The following ERO1B variants were observed in gnomAD, a reference collection of about 807,000 sequenced individuals.
The protein encoded by ERO1B is endoplasmic reticulum oxidoreductase 1 beta.
A neutral mutation model predicts 75.3 loss-of-function variants in ERO1B; 49 were observed. That is an observed-to-expected ratio of 0.65 (90% CI 0.52 to 0.83). The LOEUF is 0.83. Among genes scored for constraint, ERO1B ranks in the 40% least tolerant of loss-of-function variants. The pLI is 0.00. For synonymous variants in ERO1B, 191 were observed against 192.9 expected (o/e 0.99, Z 0.08); for missense variants, 512 against 560.1 (o/e 0.91, Z 0.87).
At chr1:236,255,245 A>G (rs1665135002) in intron 2 of ERO1B, among the ~76,000 whole-genome samples, 1 of 151,748 alleles carries the variant, frequency 6.6e-6, no homozygotes, top group African/African-American at 2.4e-5. Context: ...CAAGGTCTTT[A>G]TATTTGCTGT....
rs774968499 is a variant in ERO1B, at chr1:236,215,692, G to T, written c.*2824C>A. The T allele has an allele frequency of 6.6e-6, 1 of 151,728 alleles. No individual in the cohort carries two copies. Among genetic ancestry groups the T allele is most frequent in the Non-Finnish European group, 1.5e-5 (1 of 67,968 alleles). 9.4% of individuals were successfully genotyped at this position (151,728 alleles called of 1,614,324 possible). A position where few individuals can be genotyped will look rare whatever the true frequency, so the allele number is the denominator to read the frequency against. On this transcript the variant is annotated 3_prime_UTR_variant, in exon 16 of 16. Coordinates refer to ENST00000354619, the MANE Select transcript of ERO1B (RefSeq NM_019891.4). ...ACAGTACACATAGATTTGTGTGTGT[G>T]TTTTTTTACCAAATAATTTCCACGA...
chr1:236,235,994 T>G (rs567213130), intron 7 of ERO1B, among the ~76,000 whole-genome samples, 159 bp from the exon 8 acceptor site: 2 of 152,174 alleles, frequency 1.3e-5, no homozygotes, highest in East Asian at 3.9e-4. Context: ...GCGCAATCTC[T>G]GCTCATTGTA....
intron 10 of ERO1B, 68 bp downstream of exon 10, chr1:236,230,156 C>CA: frequency 7.6e-7 from 1 of 1,313,942 alleles, no homozygotes; most frequent in Non-Finnish European, 1.1e-6. Context: ...CTAGACCTTA[C>CA]AAAAATATGC....
intron 1 of ERO1B, among the ~76,000 whole-genome samples, chr1:236,272,202 G>A (rs1455934973): frequency 1.3e-5 from 2 of 152,002 alleles, no homozygotes; most frequent in South Asian, 2.1e-4. Context: ...TCCCACTACC[G>A]GGCATCTATC....
At chr1:236,253,638 G>A (rs1268259221) in intron 2 of ERO1B, 133 bp from the exon 3 acceptor site, 2 of 628,272 alleles carry the variant, frequency 3.2e-6, no homozygotes, top group Admixed American at 5.6e-5. Flanking sequence ...CACCTATAAG[G>A]TTCAGAATTT....
intron 5 of ERO1B, among the ~76,000 whole-genome samples, chr1:236,245,710 T>C (rs765400850): frequency 2.1e-5 from 3 of 146,316 alleles, no homozygotes; most frequent in Non-Finnish European, 3.0e-5. Context: ...CTCACCCTCC[T>C]GAGTAGCTGG....
chr1:236,255,891 T>C (rs12037416), intron 2 of ERO1B, among the ~76,000 whole-genome samples: 7,887 of 152,184 alleles, frequency 0.052, 568 homozygotes, highest in East Asian at 0.39. Flanking sequence ...CTCCTCCTTC[T>C]AGAAATTCTT....
chr1:236,280,973 G>T (rs564002952), intron 1 of ERO1B, among the ~76,000 whole-genome samples: 10 of 152,192 alleles, frequency 6.6e-5, no homozygotes, highest in African/African-American at 2.4e-4. Flanking sequence ...TGTAATCATC[G>T]CTTCACATCA....
At chr1:236,275,338 G>C (rs911182399) in intron 1 of ERO1B, among the ~76,000 whole-genome samples, 1 of 152,182 alleles carries the variant, frequency 6.6e-6, no homozygotes, top group Admixed American at 6.5e-5. Context: ...TCCATTGCAG[G>C]TTTGATAATT....
chr1:236,239,813 ATATATATATGTG>A lies in ERO1B; in HGVS notation c.506-3427_506-3416del, dbSNP rs1418899812. ...AGTATATATATATATATATGTGTGT[ATATATATATGTG>A]TATATATATGTGTATATATATATGT... On this transcript the variant is annotated intron_variant, in intron 6 of 15. Coordinates refer to ENST00000354619, the MANE Select transcript of ERO1B (RefSeq NM_019891.4). Among the ~76,000 whole-genome samples, 18 of 47,330 alleles carry A rather than the reference ATATATATATGTG, an allele frequency of 3.8e-4. 1 individual carries two copies. Among genetic ancestry groups the A allele is most frequent in the African/African-American group, 6.2e-4 (14 of 22,616 alleles). 31.1% of individuals were successfully genotyped at this position (47,330 alleles called of 152,430 possible).
chr1:236,264,386 G>A (rs1488570646), intron 2 of ERO1B, among the ~76,000 whole-genome samples: 3 of 152,162 alleles, frequency 2.0e-5, no homozygotes, highest in Admixed American at 1.3e-4. Context: ...CGGGATTACA[G>A]GCAGAAGCCA....
Position 236,263,778 on chromosome 1 carries a change from C to CTTTTTTTTTTTTTTT in ERO1B, c.222+6082_222+6096dup. ...TATATTTTTTGTTTTATTTTGTTTG[C>CTTTTTTTTTTTTTTT]TTTTTTTTTTTTTTTTTTTTTTTTT... is the stretch of plus-strand genomic sequence containing the variant. On this transcript the variant is annotated intron_variant, in intron 2 of 15. Coordinates refer to ENST00000354619, the MANE Select transcript of ERO1B (RefSeq NM_019891.4). Among the ~76,000 whole-genome samples, 56 of 80,286 alleles carry CTTTTTTTTTTTTTTT rather than the reference C, an allele frequency of 7.0e-4. 8 individuals are homozygous for CTTTTTTTTTTTTTTT. Among genetic ancestry groups the CTTTTTTTTTTTTTTT allele is most frequent in the Non-Finnish European group, 8.8e-4 (35 of 39,758 alleles). 52.7% of individuals were successfully genotyped at this position (80,286 alleles called of 152,430 possible). A position where few individuals can be genotyped will look rare whatever the true frequency, so the allele number is the denominator to read the frequency against.
At chr1:236,258,981 G>A (rs1439789499) in intron 2 of ERO1B, among the ~76,000 whole-genome samples, 2 of 152,072 alleles carry the variant, frequency 1.3e-5, no homozygotes, top group Admixed American at 1.3e-4. Flanking sequence ...TACTGGTGGT[G>A]TAAATATCAA....
chr1:236,244,498 T>C (rs931882811), intron 5 of ERO1B, among the ~76,000 whole-genome samples: 6 of 152,194 alleles, frequency 3.9e-5, no homozygotes, highest in Admixed American at 1.3e-4. Flanking sequence ...TAAACAATAA[T>C]GCCTAATTAC....
intron 6 of ERO1B, among the ~76,000 whole-genome samples, chr1:236,237,700 T>C (rs1664578128): frequency 6.6e-6 from 1 of 152,208 alleles, no homozygotes. Flanking sequence ...AATGTGGTCA[T>C]TAAATGTCTC....
At chr1:236,277,907 C>T (rs538458089) in intron 1 of ERO1B, among the ~76,000 whole-genome samples, 1 of 151,384 alleles carries the variant, frequency 6.6e-6, no homozygotes, top group Admixed American at 6.6e-5. Flanking sequence ...ATCTTTTTTC[C>T]CTTCTATACT....
At position 236,281,843 on chromosome 1, in the gene ERO1B, G is replaced by A. The variant is rs919312018; in HGVS notation, c.-60C>T. ...CCTCGGGGCCGGGGAACGACGGGCG[G>A]CCCAGGCGACGACCCAAGGGGACGG... On this transcript the variant is annotated 5_prime_UTR_variant, in exon 1 of 16. Transcript: ENST00000354619. 3.9e-6 allele frequency: 5 copies of A among 1,279,748 alleles called. No individual in the cohort carries two copies. The highest frequency in any genetic ancestry group is 3.2e-5 in the Admixed American group (1 of 31,482). 79.3% of individuals were successfully genotyped at this position (1,279,748 alleles called of 1,614,324 possible).
chr1:236,245,654 T>A (rs1375340584), intron 5 of ERO1B, among the ~76,000 whole-genome samples: 1 of 139,002 alleles, frequency 7.2e-6, no homozygotes, highest in Non-Finnish European at 1.5e-5. Flanking sequence ...GGCACGATCT[T>A]GGCTCACCGC....
intron 5 of ERO1B, among the ~76,000 whole-genome samples, chr1:236,246,586 A>G (rs560288711): frequency 1.2e-4 from 19 of 152,330 alleles, no homozygotes; most frequent in African/African-American, 4.3e-4. Context: ...AGAATTAAAC[A>G]TTACTATGCC....
Sources: gnomAD v4.1 joint callset for allele counts (sites outside exome capture counted in the v4.1 genomes callset) on GRCh38, gnomAD v4.1.1 for gene constraint, MANE v1.5 for transcripts, NCBI Gene and HGNC (gene_info 2026-07-23, HGNC 2026-07-21) for gene names.